Variants in ACOT7 observed in about 807,000 individuals in gnomAD.
ACOT7 encodes acyl-CoA thioesterase 7, also known as cytosolic acyl coenzyme A thioester hydrolase.
A neutral mutation model predicts 40.2 loss-of-function variants in ACOT7; 12 were observed. The ratio of observed to expected loss-of-function variants is 0.30; its 90% CI spans 0.19 to 0.48. The LOEUF (loss-of-function observed/expected upper bound fraction) is 0.48. Among genes scored for constraint, ACOT7 ranks in the 20% least tolerant of loss-of-function variants. The pLI is 0.99. For missense variants in ACOT7, 395 were observed against 530.8 expected, an observed-to-expected ratio of 0.74 and a Z score of 2.51; for synonymous variants, 228 against 219.5, an observed-to-expected ratio of 1.04 and a Z score of -0.34.
chr1:6,390,676 C>T (rs543100810), intron 1 of ACOT7, among the ~76,000 whole-genome samples: 1 of 150,554 alleles, frequency 6.6e-6, no homozygotes, highest in African/African-American at 2.4e-5. Flanking sequence ...TGGCTCACGC[C>T]TGTAATCCCA....
chr1:6,268,130 A>G (rs759005012), intron 8 of ACOT7, among the ~76,000 whole-genome samples: 1 of 152,198 alleles, frequency 6.6e-6, no homozygotes, highest in Non-Finnish European at 1.5e-5. Context: ...TTTTGGTGAG[A>G]TAAAAGGTTT....
At chr1:6,390,966 CACTT>C (rs1238744504) in intron 1 of ACOT7, among the ~76,000 whole-genome samples, 1 of 151,744 alleles carries the variant, frequency 6.6e-6, no homozygotes, top group Non-Finnish European at 1.5e-5. Flanking sequence ...AAAAAGCACA[CACTT>C]ACTGTATGGA....
chr1:6,318,005 T>C (rs1173394783), intron 6 of ACOT7, among the ~76,000 whole-genome samples: 1 of 152,176 alleles, frequency 6.6e-6, no homozygotes, highest in African/African-American at 2.4e-5. Flanking sequence ...GTGCTGGGAT[T>C]ACAGGCGTGA....
intron 5 of ACOT7, among the ~76,000 whole-genome samples, chr1:6,325,615 G>C (rs964306214): frequency 6.6e-6 from 1 of 152,140 alleles, no homozygotes; most frequent in Non-Finnish European, 1.5e-5. Context: ...GTCCGCTTTT[G>C]GCAAGTTGAG....
At chr1:6,277,142 G>T (rs932495094) in intron 8 of ACOT7, among the ~76,000 whole-genome samples, 1 of 152,232 alleles carries the variant, frequency 6.6e-6, no homozygotes, top group African/African-American at 2.4e-5. Flanking sequence ...GACTCTATAG[G>T]GAGTGGGGAA....
In ACOT7 at chr1:6,359,022, G is replaced by A. The variant is rs1257192091; in HGVS notation, c.144-9156C>T. 7 of 1,042,930 alleles carry A rather than the reference G, an allele frequency of 6.7e-6. No individual in the cohort carries two copies. The highest frequency in any genetic ancestry group is 2.9e-4 in the Middle Eastern group (1 of 3,398). The allele number at this position is 1,042,930 out of a possible 1,614,324, so 64.6% of individuals were successfully genotyped here. ...AATCTGGCCAGGAAGAGGCTGCCTC[G>A]CCAATCCAGAGCGTCTACCAGAAAC... is the stretch of plus-strand genomic sequence containing the variant. On this transcript the variant is annotated intron_variant, in intron 1 of 8. Coordinates refer to ENST00000361521, the MANE Select transcript of ACOT7 (RefSeq NM_007274.4). The surrounding 1 kb of genome is among the most constrained non-coding windows in gnomAD (Gnocchi z 4.1).
chr1:6,336,502 G>A (rs1463116678), intron 3 of ACOT7, among the ~76,000 whole-genome samples: 2 of 152,204 alleles, frequency 1.3e-5, no homozygotes, highest in South Asian at 2.1e-4. Context: ...GCCTGGGCCT[G>A]TGCTCGCTCA....
At chr1:6,354,898 G>C (rs1367259964) in intron 1 of ACOT7, among the ~76,000 whole-genome samples, 1 of 151,098 alleles carries the variant, frequency 6.6e-6, no homozygotes, top group Non-Finnish European at 1.5e-5. Context: ...TCTTGCCTTG[G>C]CTGAGATCCT....
At chr1:6,325,402 T>TAAAAA (rs111792791) in intron 5 of ACOT7, among the ~76,000 whole-genome samples, 1 of 145,534 alleles carries the variant, frequency 6.9e-6, no homozygotes, top group African/African-American at 2.5e-5. Context: ...TGCCTCAAAT[T>TAAAAA]AAAAAAAAAA....
chr1:6,292,334 C>T (rs952701800), intron 7 of ACOT7, among the ~76,000 whole-genome samples: 2 of 152,220 alleles, frequency 1.3e-5, no homozygotes, highest in East Asian at 1.9e-4. Context: ...CTTGGGACAG[C>T]GGGAATCAGG....
chr1:6,370,901 C>T (rs1642121404), intron 1 of ACOT7, among the ~76,000 whole-genome samples: 1 of 151,936 alleles, frequency 6.6e-6, no homozygotes, highest in Admixed American at 6.6e-5. Flanking sequence ...ACCTCTGCCA[C>T]CTGAGTTCAA....
intron 7 of ACOT7, among the ~76,000 whole-genome samples, chr1:6,285,628 C>A (rs1246512786): frequency 6.6e-6 from 1 of 152,222 alleles, no homozygotes; most frequent in Non-Finnish European, 1.5e-5. Context: ...AATGTGGAGG[C>A]GGGTGAGGCT....
chr1:6,268,298 G>C (rs540568145), intron 8 of ACOT7, among the ~76,000 whole-genome samples: 2 of 152,166 alleles, frequency 1.3e-5, no homozygotes, highest in Non-Finnish European at 2.9e-5. Context: ...TGTGGTGGGG[G>C]AGTAGTCAGG....
intron 3 of ACOT7, among the ~76,000 whole-genome samples, chr1:6,336,845 G>A (rs562487143): frequency 8.3e-4 from 127 of 152,302 alleles, no homozygotes; most frequent in Admixed American, 1.6e-3. Flanking sequence ...AGAGAGAGAT[G>A]GCAGAGAAGC....
Position 6,277,953 on chromosome 1 carries a change from A to C in ACOT7, c.1014+3149T>G, listed in dbSNP as rs529388530. On this transcript the variant is annotated intron_variant, in intron 8 of 8. Transcript: ENST00000361521. ...CCATCACCACCGTACAGATGAGGAAACCGAGGCACATAGAAAGTGCGTGCC... is the reference window on the plus strand; with the variant it reads ...CCATCACCACCGTACAGATGAGGAACCCGAGGCACATAGAAAGTGCGTGCC... Among the ~76,000 whole-genome samples, 163 of 152,296 alleles carry C rather than the reference A, an allele frequency of 1.1e-3. 1 individual carries two copies. Among genetic ancestry groups the C allele is most frequent in the African/African-American group, 3.8e-3 (158 of 41,550 alleles).
chr1:6,383,536 A>T (rs887490089), intron 1 of ACOT7, among the ~76,000 whole-genome samples: 1 of 125,766 alleles, frequency 8.0e-6, no homozygotes, highest in Non-Finnish European at 1.5e-5. Context: ...GTATTTTAAC[A>T]CAGTTTTTTT....
intron 4 of ACOT7, 104 bp downstream of exon 4, chr1:6,333,373 G>A: frequency 2.3e-6 from 3 of 1,329,650 alleles, no homozygotes; most frequent in Non-Finnish European, 3.2e-6. Flanking sequence ...GCTCTGGCCT[G>A]TTGCTCCCTT....
Position 6,299,461 on chromosome 1 carries a change from G to A in ACOT7, c.713-4481C>T, listed in dbSNP as rs1336321515. ...GGGCAAAGGAGGGATCCAGAGGACA[G>A]TTGGCCTCCCCTTACCAGGCACCAC... On this transcript the variant is annotated intron_variant, in intron 6 of 8. Coordinates refer to ENST00000361521, the MANE Select transcript of ACOT7 (RefSeq NM_007274.4). This position sits in a 1 kb window ranked among gnomAD's most constrained non-coding sequence, Gnocchi z 4.1. Among the ~76,000 whole-genome samples the A allele has an allele frequency of 1.3e-5, 2 of 152,164 alleles. No individual in the cohort carries two copies. The highest frequency in any genetic ancestry group is 4.8e-5 in the African/African-American group (2 of 41,428).
At chr1:6,291,743 C>T (rs975534015) in intron 7 of ACOT7, among the ~76,000 whole-genome samples, 6 of 152,040 alleles carry the variant, frequency 3.9e-5, no homozygotes, top group Non-Finnish European at 5.9e-5. Context: ...GTGTGGGGCT[C>T]GAGGGTGTAC....
Sources: gnomAD v4.1 joint callset for allele counts (sites outside exome capture counted in the v4.1 genomes callset) on GRCh38, gnomAD v4.1.1 for gene constraint, Gnocchi (gnomAD v3.1) non-coding constraint, MANE v1.5 for transcripts, NCBI Gene and HGNC (gene_info 2026-07-23, HGNC 2026-07-21) for gene names.